The following LRRC28 variants were observed in gnomAD, a reference collection of about 807,000 sequenced individuals.
LRRC28 encodes leucine rich repeat containing 28.
LRRC28 carries 39 observed loss-of-function variants against 45.7 expected under a neutral mutation model. The observed-to-expected ratio is 0.85, with a 90% CI of 0.66 to 1.12. LRRC28 has a LOEUF of 1.12. Among genes scored for constraint, LRRC28 ranks in the 50% most tolerant of loss-of-function variants. The pLI is 0.00. For missense variants in LRRC28, 435 were observed against 438.5 expected (o/e 0.99, Z 0.07); for synonymous variants, 206 against 178.8 (o/e 1.15, Z -1.22).
chr15:99,347,607 ATCTT>A (rs1225038593), intron 6 of LRRC28, among the ~76,000 whole-genome samples: 1 of 152,200 alleles, frequency 6.6e-6, no homozygotes, highest in Non-Finnish European at 1.5e-5. Context: ...TTTGGCATAA[ATCTT>A]TCTTTTTTAA....
chr15:99,271,278 T>C (rs2081470741), intron 2 of LRRC28, among the ~76,000 whole-genome samples: 2 of 142,686 alleles, frequency 1.4e-5, no homozygotes, highest in Admixed American at 1.5e-4. Flanking sequence ...TGACATCCAG[T>C]GTATCTATTT....
In LRRC28 at chr15:99,387,088, T is replaced by C. The variant is rs1171403891; in HGVS notation, c.*986T>C. The C allele has an allele frequency of 6.6e-6, 1 of 151,456 alleles. No individual in the cohort carries two copies. Among genetic ancestry groups the C allele is most frequent in the Non-Finnish European group, 1.5e-5 (1 of 67,858 alleles). The allele number at this position is 151,456 out of a possible 1,614,324, so 9.4% of individuals were successfully genotyped here. ...TTTTTTTGTTGTTGTTGAGACGGAG[T>C]CTCGCTCTGTCGCCCAGGCTGGAGT... On this transcript the variant is annotated 3_prime_UTR_variant, in exon 10 of 10. Transcript: ENST00000301981.
At chr15:99,320,112 C>T (rs1007131142) in intron 5 of LRRC28, among the ~76,000 whole-genome samples, 1 of 152,078 alleles carries the variant, frequency 6.6e-6, no homozygotes, top group Non-Finnish European at 1.5e-5. Context: ...CAGCCGGGAG[C>T]ATTTTATTTT....
chr15:99,259,130 C>G, intron 2 of LRRC28: 2 of 1,317,890 alleles, frequency 1.5e-6, no homozygotes, highest in Non-Finnish European at 1.1e-6. Context: ...TCGAACATGT[C>G]TTGCTAAACT....
intron 2 of LRRC28, among the ~76,000 whole-genome samples, chr15:99,274,834 G>A (rs2081573194): frequency 6.6e-6 from 1 of 152,136 alleles, no homozygotes; most frequent in Non-Finnish European, 1.5e-5. Context: ...CTTTTCATAT[G>A]TTGCTTCTTG....
intron 5 of LRRC28, among the ~76,000 whole-genome samples, chr15:99,319,894 C>T (rs1955735518): frequency 6.6e-6 from 1 of 152,016 alleles, no homozygotes; most frequent in African/African-American, 2.4e-5. Flanking sequence ...ACCTCTGCCT[C>T]CTGGGTTCAA....
chr15:99,365,473 CAT>C (rs1248128923), intron 9 of LRRC28, among the ~76,000 whole-genome samples: 1 of 152,214 alleles, frequency 6.6e-6, no homozygotes, highest in East Asian at 1.9e-4. Flanking sequence ...TGCTCCTTCC[CAT>C]GTTGCCATGG....
intron 6 of LRRC28, among the ~76,000 whole-genome samples, chr15:99,335,683 AC>A (rs1234972721): frequency 6.6e-6 from 1 of 151,396 alleles, no homozygotes; most frequent in Non-Finnish European, 1.5e-5. Flanking sequence ...ATTTTTTTTT[AC>A]CCCCCTCACA....
At chr15:99,302,140 C>T (rs549599848) in intron 5 of LRRC28, among the ~76,000 whole-genome samples, 9 of 151,810 alleles carry the variant, frequency 5.9e-5, no homozygotes, top group African/African-American at 2.2e-4. Flanking sequence ...CATTCTCCTG[C>T]CTCAGCCTCC....
At position 99,387,186 on chromosome 15, in the gene LRRC28, A is replaced by ATG. The variant is rs1958035749; in HGVS notation, c.*1084_*1085insTG. The ATG allele has an allele frequency of 1.5e-5, 2 of 137,150 alleles. No individual in the cohort carries two copies. Among genetic ancestry groups the ATG allele is most frequent in the Non-Finnish European group, 3.2e-5 (2 of 62,750 alleles). The allele number at this position is 137,150 out of a possible 1,614,324, so 8.5% of individuals were successfully genotyped here. A position where few individuals can be genotyped will look rare whatever the true frequency, so the allele number is the denominator to read the frequency against. ...CGCCATTCTCCTGCCTCAGCCTCCC[A>ATG]AGTAGCTGGGACCACAGGCGCCCGC... On this transcript the variant is annotated 3_prime_UTR_variant, in exon 10 of 10. Coordinates refer to ENST00000301981, the MANE Select transcript of LRRC28 (RefSeq NM_144598.5).
chr15:99,275,143 CT>C (rs1293574502), intron 2 of LRRC28, among the ~76,000 whole-genome samples: 1 of 152,152 alleles, frequency 6.6e-6, no homozygotes, highest in Non-Finnish European at 1.5e-5. Flanking sequence ...TGCCTATATA[CT>C]TGTGTGTGTG....
rs553109301 is a variant in LRRC28, at chr15:99,349,501, A to G, written c.593-2868A>G. 2.6e-5 allele frequency among the ~76,000 whole-genome samples: 4 copies of G among 152,350 alleles called. No homozygotes were observed. In the East Asian group the frequency reaches 7.7e-4, roughly 29 times the overall value. ...AAACACTAGAAGAAAACATCGGTGA[A>G]TTCTGCTTAAACTTGGATGTCACAG... On this transcript the variant is annotated intron_variant, in intron 6 of 9. Transcript: ENST00000301981.
At chr15:99,311,079 C>T (rs769369228) in intron 5 of LRRC28, among the ~76,000 whole-genome samples, 2 of 152,246 alleles carry the variant, frequency 1.3e-5, no homozygotes, top group South Asian at 2.1e-4. Flanking sequence ...CATTTCACTA[C>T]CCTTTTTGGT....
At chr15:99,262,143 CTT>C (rs2081215091) in intron 2 of LRRC28, among the ~76,000 whole-genome samples, 1 of 152,062 alleles carries the variant, frequency 6.6e-6, no homozygotes, top group Non-Finnish European at 1.5e-5. Context: ...CTGGAAGTCT[CTT>C]TTTTCACTTC....
At chr15:99,314,125 T>G (rs1456633491) in intron 5 of LRRC28, among the ~76,000 whole-genome samples, 2 of 152,298 alleles carry the variant, frequency 1.3e-5, no homozygotes, top group East Asian at 3.9e-4. Context: ...TCCAAAATAT[T>G]CTCAAGCCAT....
At chr15:99,336,496 C>T (rs1014762384) in intron 6 of LRRC28, among the ~76,000 whole-genome samples, 3 of 152,082 alleles carry the variant, frequency 2.0e-5, no homozygotes, top group Non-Finnish European at 2.9e-5. Flanking sequence ...GTTGTGTGGC[C>T]GTTTCCAGTG....
intron 2 of LRRC28, among the ~76,000 whole-genome samples, chr15:99,265,184 C>T (rs528738925): frequency 6.6e-6 from 1 of 152,166 alleles, no homozygotes; most frequent in African/African-American, 2.4e-5. Flanking sequence ...GGAACTTTCT[C>T]TTGCTGTACT....
chr15:99,368,878 T>A (rs1957407861), intron 9 of LRRC28, among the ~76,000 whole-genome samples: 1 of 152,154 alleles, frequency 6.6e-6, no homozygotes, highest in Non-Finnish European at 1.5e-5. Flanking sequence ...GCTCAATTCA[T>A]CTCTCTCCTC....
intron 8 of LRRC28, among the ~76,000 whole-genome samples, chr15:99,362,246 G>A (rs1001666847): frequency 2.0e-5 from 3 of 152,194 alleles, no homozygotes; most frequent in African/African-American, 7.2e-5. Flanking sequence ...GAAATGCCTA[G>A]TGCAAAGTTA....
Sources: allele counts gnomAD v4.1 joint callset (sites outside exome capture counted in the v4.1 genomes callset), GRCh38; gene constraint gnomAD v4.1.1; transcripts MANE v1.5; gene names NCBI Gene and HGNC (gene_info 2026-07-23, HGNC 2026-07-21).